Variants in COL5A1 observed in about 807,000 individuals in gnomAD.
The protein encoded by COL5A1 is collagen alpha-1(V) chain.
A neutral mutation model predicts 263.7 loss-of-function variants in COL5A1; 16 were observed. The observed-to-expected ratio is 0.06, with a 90% CI of 0.04 to 0.09. The LOEUF (loss-of-function observed/expected upper bound fraction) is 0.09, where lower values mean the gene tolerates loss of function less well. COL5A1 is among the 10% of genes least tolerant of loss of function. The probability of loss-of-function intolerance (pLI) is 1.00; values close to 1 mark genes in which losing one functional copy is unlikely to be tolerated. For missense variants in COL5A1, 2,036 were observed against 2,540.5 expected (o/e 0.80, Z 4.27); for synonymous variants, 1,012 against 1,004.5 (o/e 1.01, Z -0.14).
intron 1 of COL5A1, among the ~76,000 whole-genome samples, chr9:134,668,591 C>T (rs1301537024): frequency 6.6e-6 from 1 of 152,056 alleles, no homozygotes; most frequent in African/African-American, 2.4e-5. Flanking sequence ...TCTACTTGTC[C>T]ATCCATACCA....
chr9:134,747,665 A>T (rs1050573549), intron 11 of COL5A1, among the ~76,000 whole-genome samples: 2 of 151,576 alleles, frequency 1.3e-5, no homozygotes, highest in Non-Finnish European at 2.9e-5. Flanking sequence ...AGACACATGC[A>T]CACATGTATT....
At chr9:134,648,348 T>TATTA (rs1831547182) in intron 1 of COL5A1, among the ~76,000 whole-genome samples, 1 of 151,380 alleles carries the variant, frequency 6.6e-6, no homozygotes, top group African/African-American at 2.4e-5. Flanking sequence ...CTATTAGTTC[T>TATTA]GTCCCTCTAA....
At chr9:134,828,578 T>TATACCACACCACAC in intron 63 of COL5A1, among the ~76,000 whole-genome samples, 1 of 17,480 alleles carries the variant, frequency 5.7e-5, no homozygotes, top group Non-Finnish European at 1.4e-4. Flanking sequence ...ACACACCACA[T>TATACCACACCACAC]ATACCACACC....
chr9:134,771,376 G>A (rs937580906), intron 25 of COL5A1, among the ~76,000 whole-genome samples: 3 of 152,374 alleles, frequency 2.0e-5, no homozygotes, highest in South Asian at 2.1e-4. Context: ...CTGGCGCCAT[G>A]AGCCTTGTTT....
chr9:134,785,432 C>T (rs1180417990), intron 30 of COL5A1, among the ~76,000 whole-genome samples: 10 of 152,210 alleles, frequency 6.6e-5, no homozygotes, highest in Admixed American at 3.3e-4. Flanking sequence ...TGGGTAATAA[C>T]GGTGTCCCCA....
intron 4 of COL5A1, chr9:134,708,586 C>T: frequency 1.9e-6 from 1 of 518,870 alleles, no homozygotes; most frequent in Non-Finnish European, 3.8e-6. Context: ...GCAGCCCAGA[C>T]CCCACCCTGG....
intron 18 of COL5A1, among the ~76,000 whole-genome samples, chr9:134,760,120 A>ATG (rs1265081785): frequency 1.0e-5 from 1 of 99,322 alleles, no homozygotes. Flanking sequence ...ATACACGCCC[A>ATG]CACACCCCCA....
rs1204206153 is a variant in COL5A1 at position 134,681,533 on chromosome 9, G to A, written c.110-9379G>A. Among the ~76,000 whole-genome samples the A allele has an allele frequency of 2.0e-5, 3 of 152,182 alleles. No homozygotes were observed. Among genetic ancestry groups the A allele is most frequent in the Non-Finnish European group, 2.9e-5 (2 of 68,034 alleles). ...GAGGCTGCCAGCTGTGTCTGGAGAG[G>A]CCAGCGTGTGCCTGTGGTTTCGGGA... On this transcript the variant is annotated intron_variant, in intron 1 of 65. Coordinates refer to ENST00000371817, the MANE Select transcript of COL5A1 (RefSeq NM_000093.5). The surrounding 1 kb of genome is among the most constrained non-coding windows in gnomAD (Gnocchi z 4.3).
intron 1 of COL5A1, among the ~76,000 whole-genome samples, chr9:134,649,000 C>G (rs976885398): frequency 6.6e-6 from 1 of 151,644 alleles, no homozygotes; most frequent in Non-Finnish European, 1.5e-5. Flanking sequence ...AGCTGCAGGC[C>G]TCTGTTCTGT....
chr9:134,764,130 G>A (rs1217853797), intron 20 of COL5A1, among the ~76,000 whole-genome samples: 3 of 147,430 alleles, frequency 2.0e-5, no homozygotes, highest in Non-Finnish European at 3.0e-5. Context: ...GCATGGGGGT[G>A]GGGGGTACAG....
intron 20 of COL5A1, among the ~76,000 whole-genome samples, chr9:134,764,928 T>C (rs940135188): frequency 1.3e-5 from 2 of 152,150 alleles, no homozygotes; most frequent in Non-Finnish European, 2.9e-5. Context: ...TTCTACAGAA[T>C]CTGAAAAGGT....
chr9:134,818,690 C>T lies in COL5A1; in HGVS notation c.4265C>T (p.Thr1422Ile). 4 of 1,609,538 alleles carry T rather than the reference C, an allele frequency of 2.5e-6. No individual in the cohort carries two copies. Among genetic ancestry groups the T allele is most frequent in the Non-Finnish European group, 3.4e-6 (4 of 1,178,636 alleles). Residue 1422 changes from threonine to isoleucine, a missense_variant, in exon 55 of 66, where the codon ACT becomes ATT. Transcript: ENST00000371817. The surrounding 1 kb of genome is among the most constrained non-coding windows in gnomAD (Gnocchi z 6.0). ...EAGLEGPPGK[T>I]GPIGPQGAPG... The stretch of plus-strand genomic sequence containing the variant: ...GGCTTGGAAGGCCCTCCTGGGAAGA[C>T]TGGCCCCATCGGCCCCCAGGGGGCC...
chr9:134,837,107 G>A (rs1384089068), intron 65 of COL5A1, among the ~76,000 whole-genome samples: 2 of 152,232 alleles, frequency 1.3e-5, no homozygotes, highest in Admixed American at 1.3e-4. Flanking sequence ...GCAAGCCCTG[G>A]ATGAGCAGCC....
At chr9:134,759,354 A>G (rs1255767787) in intron 18 of COL5A1, among the ~76,000 whole-genome samples, 1 of 130,382 alleles carries the variant, frequency 7.7e-6, no homozygotes, top group Admixed American at 7.9e-5. Flanking sequence ...ACACACCCAC[A>G]TTCATACACA....
intron 63 of COL5A1, among the ~76,000 whole-genome samples, chr9:134,827,089 G>A (rs550131984): frequency 6.6e-6 from 1 of 152,310 alleles, no homozygotes; most frequent in South Asian, 2.1e-4. Flanking sequence ...CCCAGGCAAA[G>A]GCCGCCCATT....
rs866713068 is a variant in COL5A1 at position 134,681,641 on chromosome 9, A to G, written c.110-9271A>G. ...AGGGTGACTCCCTTGCAGCCCCAGCATGGCACCAGCCTGCGAGTGACCATG... is the reference window on the plus strand; with the variant it reads ...AGGGTGACTCCCTTGCAGCCCCAGCGTGGCACCAGCCTGCGAGTGACCATG... On this transcript the variant is annotated intron_variant, in intron 1 of 65. Coordinates refer to ENST00000371817, the MANE Select transcript of COL5A1 (RefSeq NM_000093.5). The surrounding 1 kb of genome is among the most constrained non-coding windows in gnomAD (Gnocchi z 4.3). Among the ~76,000 whole-genome samples the G allele has an allele frequency of 3.3e-5, 5 of 152,266 alleles. No homozygotes were observed. The Middle Eastern group carries it at 0.01, about 311-fold the overall frequency.
At chr9:134,810,574 G>C (rs1036426108) in intron 44 of COL5A1, 4 of 494,986 alleles carry the variant, frequency 8.1e-6, no homozygotes, top group African/African-American at 7.7e-5. Context: ...TTCTGTCCTA[G>C]AGGGCTTGGG....
At chr9:134,791,254 T>C (rs1024710965) in intron 32 of COL5A1, among the ~76,000 whole-genome samples, 1 of 152,160 alleles carries the variant, frequency 6.6e-6, no homozygotes, top group Non-Finnish European at 1.5e-5. Context: ...ACCTGGCTGG[T>C]GGCACAACCC....
In COL5A1 at chr9:134,795,267, G is replaced by C; in HGVS notation, c.2751G>C (p.Pro917=). 2.5e-6 allele frequency: 4 copies of C among 1,613,922 alleles called. No homozygotes were observed. Among genetic ancestry groups the C allele is most frequent in the South Asian group, 2.2e-5 (2 of 91,072 alleles). The change falls in exon 34 of 66, where the codon CCG becomes CCC. Residue 917 remains proline, a synonymous_variant. Coordinates refer to ENST00000371817, the MANE Select transcript of COL5A1 (RefSeq NM_000093.5). ...CTTCTCTCCCATCTGTCCAGGGTCCGAGGGGTGAAAGAGGCCCCCGGGGCA... is the reference window on the plus strand; with the variant it reads ...CTTCTCTCCCATCTGTCCAGGGTCCCAGGGGTGAAAGAGGCCCCCGGGGCA... ...GPRGQRGPTG[P]RGERGPRGIT...
Sources: allele counts gnomAD v4.1 joint callset (sites outside exome capture counted in the v4.1 genomes callset), GRCh38; gene constraint gnomAD v4.1.1; non-coding constraint Gnocchi (gnomAD v3.1); transcripts MANE v1.5; gene names NCBI Gene and HGNC (gene_info 2026-07-23, HGNC 2026-07-21).